The following CAMTA1 variants were observed in gnomAD, a reference collection of about 807,000 sequenced individuals.
The protein encoded by CAMTA1 is calmodulin-binding transcription activator 1.
Under a neutral mutation model 170.9 loss-of-function variants are expected in CAMTA1, and 27 were observed. That is an observed-to-expected ratio of 0.16 (90% CI 0.12 to 0.22). The LOEUF (loss-of-function observed/expected upper bound fraction) is 0.22. CAMTA1 is among the 10% of genes least tolerant of loss of function. CAMTA1 has a pLI of 1.00. For missense variants in CAMTA1, 1,619 were observed against 2,217.2 expected, an observed-to-expected ratio of 0.73 and a Z score of 5.42; for synonymous variants, 833 against 891.5, an observed-to-expected ratio of 0.93 and a Z score of 1.17.
intron 1 of CAMTA1, among the ~76,000 whole-genome samples, chr1:6,787,583 T>C (rs1236802664): frequency 6.6e-6 from 1 of 152,228 alleles, no homozygotes; most frequent in Non-Finnish European, 1.5e-5. Flanking sequence ...TATGGGGACC[T>C]TTATGTGTAA....
chr1:7,012,546 C>T (rs1334070388), intron 3 of CAMTA1, among the ~76,000 whole-genome samples: 4 of 152,152 alleles, frequency 2.6e-5, no homozygotes, highest in South Asian at 2.1e-4. Flanking sequence ...CTCTCTTTCT[C>T]ATTTGCAGGC....
intron 3 of CAMTA1, among the ~76,000 whole-genome samples, chr1:6,872,621 A>G (rs1042285109): frequency 5.9e-5 from 9 of 152,162 alleles, no homozygotes; most frequent in Non-Finnish European, 1.2e-4. Flanking sequence ...GCCATATGCA[A>G]TTTCATGACT....
At chr1:6,888,542 G>T (rs536188482) in intron 3 of CAMTA1, among the ~76,000 whole-genome samples, 27 of 152,324 alleles carry the variant, frequency 1.8e-4, no homozygotes, top group African/African-American at 6.3e-4. Flanking sequence ...TAAAAGGGAG[G>T]CAGGAAACAG....
At chr1:7,621,151 G>C (rs187118062) in intron 6 of CAMTA1, among the ~76,000 whole-genome samples, 2 of 152,328 alleles carry the variant, frequency 1.3e-5, no homozygotes, top group African/African-American at 4.8e-5. Flanking sequence ...TGGTGAACTG[G>C]AGGGAGCAGG....
At chr1:6,853,422 A>T (rs929944931) in intron 3 of CAMTA1, among the ~76,000 whole-genome samples, 1 of 152,212 alleles carries the variant, frequency 6.6e-6, no homozygotes, top group African/African-American at 2.4e-5. Flanking sequence ...GTAGTAAAAT[A>T]TATGTAATTA....
intron 4 of CAMTA1, among the ~76,000 whole-genome samples, chr1:7,148,140 TAC>T (rs574575761): frequency 2.8e-5 from 4 of 140,944 alleles, no homozygotes; most frequent in African/African-American, 8.2e-5. Flanking sequence ...ACACAATGCA[TAC>T]ACACACGACA....
intron 5 of CAMTA1, among the ~76,000 whole-genome samples, chr1:7,258,110 C>T (rs1009911324): frequency 8.5e-5 from 13 of 152,090 alleles, no homozygotes; most frequent in African/African-American, 3.1e-4. Flanking sequence ...GATCTGGTGC[C>T]GTTAGATGCT....
intron 5 of CAMTA1, among the ~76,000 whole-genome samples, chr1:7,371,990 C>G (rs543290745): frequency 6.6e-6 from 1 of 152,318 alleles, no homozygotes; most frequent in African/African-American, 2.4e-5. Context: ...AGTCCAGACC[C>G]AGCCTGGGGA....
At chr1:7,038,183 C>A (rs1703918745) in intron 3 of CAMTA1, among the ~76,000 whole-genome samples, 1 of 152,094 alleles carries the variant, frequency 6.6e-6, no homozygotes, top group South Asian at 2.1e-4. Context: ...TATTAAAAGT[C>A]AAAGTGTTGA....
At chr1:7,340,627 T>C (rs1338442031) in intron 5 of CAMTA1, among the ~76,000 whole-genome samples, 1 of 142,444 alleles carries the variant, frequency 7.0e-6, no homozygotes, top group Non-Finnish European at 1.5e-5. Flanking sequence ...CATTTATGCA[T>C]TAATTTATCT....
At chr1:6,901,698 A>G (rs980220189) in intron 3 of CAMTA1, among the ~76,000 whole-genome samples, 1 of 152,160 alleles carries the variant, frequency 6.6e-6, no homozygotes, top group Non-Finnish European at 1.5e-5. Flanking sequence ...TCTTCCCAAA[A>G]TAAAACCAAA....
At chr1:7,167,237 A>T (rs1648667764) in intron 4 of CAMTA1, among the ~76,000 whole-genome samples, 1 of 152,212 alleles carries the variant, frequency 6.6e-6, no homozygotes, top group Non-Finnish European at 1.5e-5. Context: ...TTCACATCCA[A>T]GTTTTAATCT....
chr1:7,721,959 C>T lies in CAMTA1; in HGVS notation c.2915-10489C>T, dbSNP rs866503210. 3.3e-5 allele frequency among the ~76,000 whole-genome samples: 5 copies of T among 152,252 alleles called. 1 individual carries two copies. The Middle Eastern group carries it at 0.017, about 518-fold the overall frequency. Reference sequence around the variant, plus strand: ...TAAACTAAATTATCTGATAAAATATCAGGAACCATCTCCTGGTGTATTGCT... The same window carrying T: ...TAAACTAAATTATCTGATAAAATATTAGGAACCATCTCCTGGTGTATTGCT... On this transcript the variant is annotated intron_variant, in intron 11 of 22. Coordinates refer to ENST00000303635, the MANE Select transcript of CAMTA1 (RefSeq NM_015215.4).
Position 7,315,702 on chromosome 1 carries a change from G to A in CAMTA1, c.438+66076G>A, listed in dbSNP as rs951714484. Among the ~76,000 whole-genome samples, 12 of 152,320 alleles carry A rather than the reference G, an allele frequency of 7.9e-5. No individual in the cohort carries two copies. In the South Asian group the frequency reaches 1.7e-3, roughly 21 times the overall value. On this transcript the variant is annotated intron_variant, in intron 5 of 22. Transcript: ENST00000303635. ...GAGTCCAAAAATACAAAATCAAAGC[G>A]TGGGCAGGGCAGGCTCCCTCGTAGC...
At chr1:7,390,423 T>A (rs936762848) in intron 5 of CAMTA1, among the ~76,000 whole-genome samples, 1 of 152,206 alleles carries the variant, frequency 6.6e-6, no homozygotes, top group African/African-American at 2.4e-5. Context: ...CCATTACTTG[T>A]CTGACATGTC....
chr1:7,079,489 T>A (rs1288205422), intron 3 of CAMTA1, among the ~76,000 whole-genome samples: 1 of 152,128 alleles, frequency 6.6e-6, no homozygotes, highest in Non-Finnish European at 1.5e-5. Context: ...TTTTCTTTTT[T>A]AAAGACAGAA....
chr1:7,199,650 GGA>G (rs953690880), intron 4 of CAMTA1, among the ~76,000 whole-genome samples: 2 of 152,000 alleles, frequency 1.3e-5, no homozygotes, highest in Non-Finnish European at 2.9e-5. Flanking sequence ...GTGTGCGCAG[GGA>G]GAGTTTCTCA....
chr1:7,510,156 A>C (rs2094184492), intron 6 of CAMTA1, among the ~76,000 whole-genome samples: 1 of 134,078 alleles, frequency 7.5e-6, no homozygotes, highest in African/African-American at 2.6e-5. Flanking sequence ...TCGAGATAAC[A>C]CTCCCCGTTT....
chr1:6,859,824 CA>C (rs1663953951), intron 3 of CAMTA1, among the ~76,000 whole-genome samples: 1 of 152,104 alleles, frequency 6.6e-6, no homozygotes, highest in African/African-American at 2.4e-5. Flanking sequence ...TGTAGAATAC[CA>C]ATTTGGACTC....
Sources: gnomAD v4.1 joint callset for allele counts (sites outside exome capture counted in the v4.1 genomes callset) on GRCh38, gnomAD v4.1.1 for gene constraint, MANE v1.5 for transcripts, NCBI Gene and HGNC (gene_info 2026-07-23, HGNC 2026-07-21) for gene names.